ARMC8: variants seen among roughly 807,000 people sequenced by gnomAD.
ARMC8 encodes the protein armadillo repeat containing 8.
ARMC8 carries 20 observed loss-of-function variants against 99.3 expected under a neutral mutation model. The observed-to-expected ratio is 0.20, with a 90% CI of 0.14 to 0.29. ARMC8 has a LOEUF of 0.29. Among genes scored for constraint, ARMC8 ranks in the 10% least tolerant of loss-of-function variants. The pLI, the probability that ARMC8 is intolerant of heterozygous loss-of-function variation, is 1.00. For missense variants in ARMC8, 569 were observed against 809.5 expected, an observed-to-expected ratio of 0.70 and a Z score of 3.60; for synonymous variants, 263 against 278.3, an observed-to-expected ratio of 0.95 and a Z score of 0.55.
chr3:138,293,923 C>T (rs922981215), intron 21 of ARMC8, among the ~76,000 whole-genome samples: 6 of 152,152 alleles, frequency 3.9e-5, no homozygotes, highest in Admixed American at 6.5e-5. Context: ...TCTTCTTAAA[C>T]GTAAACCGTA....
At chr3:138,267,563 T>G (rs1250718166) in intron 15 of ARMC8, among the ~76,000 whole-genome samples, 1 of 152,200 alleles carries the variant, frequency 6.6e-6, no homozygotes, top group Non-Finnish European at 1.5e-5. Flanking sequence ...CAGGCTATCT[T>G]TACTAAAGAA....
At chr3:138,252,762 C>CCCG (rs2047203285) in intron 12 of ARMC8, among the ~76,000 whole-genome samples, 1 of 56,096 alleles carries the variant, frequency 1.8e-5, no homozygotes, top group African/African-American at 4.9e-5. Context: ...CCCCCCCCCC[C>CCCG]ACCCGGCCTA....
chr3:138,214,159 T>TAA (rs58183163), intron 2 of ARMC8, among the ~76,000 whole-genome samples: 44 of 139,850 alleles, frequency 3.1e-4, no homozygotes, highest in African/African-American at 1.1e-3. Context: ...TTGTTTTGTT[T>TAA]AAAAAAAAAA....
At chr3:138,203,361 G>A (rs2044183703) in intron 1 of ARMC8, among the ~76,000 whole-genome samples, 1 of 152,172 alleles carries the variant, frequency 6.6e-6, no homozygotes, top group Admixed American at 6.6e-5. Context: ...ATACAAATGT[G>A]GCCTAGTTGG....
chr3:138,220,597 CAA>C (rs978978678), intron 2 of ARMC8, among the ~76,000 whole-genome samples: 59 of 152,144 alleles, frequency 3.9e-4, no homozygotes, highest in African/African-American at 1.2e-3. Flanking sequence ...CAATTGAAGA[CAA>C]GGGTTAATCG....
chr3:138,286,232 T>G (rs1158487409), intron 19 of ARMC8, among the ~76,000 whole-genome samples: 1 of 152,178 alleles, frequency 6.6e-6, no homozygotes, highest in Non-Finnish European at 1.5e-5. Flanking sequence ...CATGAGCCAC[T>G]GCGCCCAACC....
At position 138,190,281 on chromosome 3, in the gene ARMC8, CTTTTT is replaced by C. The variant is rs141579108; in HGVS notation, c.45+2700_45+2704del. Among the ~76,000 whole-genome samples the C allele has an allele frequency of 5.2e-5, 6 of 114,358 alleles. No homozygotes were observed. In the East Asian group the frequency reaches 1.4e-3, roughly 27 times the overall value. 75.0% of individuals were successfully genotyped at this position (114,358 alleles called of 152,430 possible). A position where few individuals can be genotyped will look rare whatever the true frequency, so the allele number is the denominator to read the frequency against. Reference sequence around the variant, plus strand: ...GAGTTGAGATTCTTTATTTTCTTATCTTTTTTTTTTTTTTTTTTTTTTGAGATGGA... The same window carrying C: ...GAGTTGAGATTCTTTATTTTCTTATCTTTTTTTTTTTTTTTTTGAGATGGA... On this transcript the variant is annotated intron_variant, in intron 1 of 21. Coordinates refer to ENST00000469044, the MANE Select transcript of ARMC8 (RefSeq NM_001363941.2).
At chr3:138,294,681 CTTT>C (rs1435264684) in intron 21 of ARMC8, among the ~76,000 whole-genome samples, 2 of 152,246 alleles carry the variant, frequency 1.3e-5, no homozygotes, top group East Asian at 3.9e-4. Flanking sequence ...TGTAGACTTT[CTTT>C]CCATAGCTTA....
intron 19 of ARMC8, chr3:138,287,589 C>T (rs1372696578): frequency 2.2e-6 from 1 of 455,654 alleles, no homozygotes; most frequent in Non-Finnish European, 4.4e-6. Flanking sequence ...GATTGATTGT[C>T]TGAGGCTGGG....
At chr3:138,279,536 T>C (rs905586146) in intron 18 of ARMC8, among the ~76,000 whole-genome samples, 3 of 152,174 alleles carry the variant, frequency 2.0e-5, no homozygotes, top group African/African-American at 7.2e-5. Flanking sequence ...GGTTTTGGTA[T>C]TGGGATAATG....
intron 1 of ARMC8, among the ~76,000 whole-genome samples, chr3:138,194,126 T>C (rs543927513): frequency 9.1e-4 from 136 of 150,226 alleles, no homozygotes; most frequent in African/African-American, 3.2e-3. Flanking sequence ...CACTGCAACC[T>C]CCGCCTCCTG....
intron 2 of ARMC8, among the ~76,000 whole-genome samples, chr3:138,220,053 A>G (rs2045306507): frequency 6.6e-6 from 1 of 152,238 alleles, no homozygotes; most frequent in South Asian, 2.1e-4. Flanking sequence ...GACTCTAAGT[A>G]GGTAGGGGCT....
intron 2 of ARMC8, among the ~76,000 whole-genome samples, chr3:138,213,294 A>G (rs2044813181): frequency 6.6e-6 from 1 of 152,248 alleles, no homozygotes; most frequent in South Asian, 2.1e-4. Context: ...CTAGTCAGTG[A>G]GTATGCCTTG....
At position 138,239,537 on chromosome 3, in the gene ARMC8, A is replaced by G. The variant is rs1279744195; in HGVS notation, c.837+9A>G. The G allele has an allele frequency of 1.9e-6, 3 of 1,558,224 alleles. No homozygotes were observed. The South Asian group carries it at 3.6e-5, about 19-fold the overall frequency. ...ACTGTATTGTATTAAAGGTAAGCTA[A>G]TTAATTATCTTTAAAATGTGAAAAT... On this transcript the variant is annotated intron_variant, in intron 10 of 21. Transcript: ENST00000469044.
chr3:138,251,915 A>T (rs1325709078), intron 12 of ARMC8, among the ~76,000 whole-genome samples: 1 of 152,254 alleles, frequency 6.6e-6, no homozygotes, highest in African/African-American at 2.4e-5. Context: ...GAAATGGGCT[A>T]AAATATCTTT....
intron 15 of ARMC8, among the ~76,000 whole-genome samples, chr3:138,268,069 C>A (rs917626092): frequency 6.6e-6 from 1 of 151,980 alleles, no homozygotes; most frequent in Non-Finnish European, 1.5e-5. Context: ...ATGGTGAAAC[C>A]CCATCTCTGC....
Position 138,295,923 on chromosome 3 carries a change from C to T in ARMC8, c.*31C>T. ...GTGCCCCTGGGCACCTGCGAGCATC[C>T]CACCTCCTTGTTTAAGGAAGTACAG... is the stretch of plus-strand genomic sequence containing the variant. On this transcript the variant is annotated 3_prime_UTR_variant, in exon 22 of 22. Transcript: ENST00000469044. The T allele has an allele frequency of 6.2e-7, 1 of 1,611,010 alleles. No homozygotes were observed. Among genetic ancestry groups the T allele is most frequent in the Non-Finnish European group, 8.5e-7 (1 of 1,178,228 alleles).
At chr3:138,189,431 C>G (rs1260927608) in intron 1 of ARMC8, among the ~76,000 whole-genome samples, 1 of 152,122 alleles carries the variant, frequency 6.6e-6, no homozygotes, top group African/African-American at 2.4e-5. Flanking sequence ...AAAGTGAAAC[C>G]TGTACCTTTC....
At chr3:138,291,741 G>A (rs2050973069) in intron 21 of ARMC8, among the ~76,000 whole-genome samples, 1 of 152,206 alleles carries the variant, frequency 6.6e-6, no homozygotes, top group Non-Finnish European at 1.5e-5. Context: ...GATTTCATCT[G>A]GGCAAATGCA....
Sources: allele counts gnomAD v4.1 joint callset (sites outside exome capture counted in the v4.1 genomes callset), GRCh38; gene constraint gnomAD v4.1.1; transcripts MANE v1.5; gene names NCBI Gene and HGNC (gene_info 2026-07-23, HGNC 2026-07-21).